KCNMA1: variants seen among roughly 807,000 people sequenced by gnomAD.
KCNMA1 encodes the protein potassium calcium-activated channel subfamily M alpha 1, also known as Calcium-activated potassium channel subunit alpha-1.
A neutral mutation model predicts 140.0 loss-of-function variants in KCNMA1; 29 were observed. That is an observed-to-expected ratio of 0.21 (90% CI 0.15 to 0.28). The LOEUF (loss-of-function observed/expected upper bound fraction) is 0.28, where lower values mean the gene tolerates loss of function less well. Among genes scored for constraint, KCNMA1 ranks in the 10% least tolerant of loss-of-function variants. KCNMA1 has a pLI of 1.00. For synonymous variants in KCNMA1, 612 were observed against 611.9 expected (o/e 1.00, Z 0.00); for missense variants, 880 against 1,602.2 (o/e 0.55, Z 7.70).
intron 1 of KCNMA1, among the ~76,000 whole-genome samples, chr10:77,552,821 G>C (rs1411939039): frequency 6.6e-6 from 1 of 152,174 alleles, no homozygotes; most frequent in Non-Finnish European, 1.5e-5. Context: ...GGCTGAGGCA[G>C]GCCGATCACT....
chr10:77,132,288 TCA>T (rs2097879338), intron 5 of KCNMA1, among the ~76,000 whole-genome samples: 1 of 151,954 alleles, frequency 6.6e-6, no homozygotes, highest in Admixed American at 6.6e-5. Flanking sequence ...GGCTGAACTA[TCA>T]CACAGCCATC....
intron 1 of KCNMA1, among the ~76,000 whole-genome samples, chr10:77,547,796 A>C (rs1379439410): frequency 6.6e-6 from 1 of 152,220 alleles, no homozygotes; most frequent in Admixed American, 6.5e-5. Context: ...AAAGATAACC[A>C]TTTACAACAG....
chr10:77,588,252 T>C (rs2077865388), intron 1 of KCNMA1, among the ~76,000 whole-genome samples: 1 of 152,186 alleles, frequency 6.6e-6, no homozygotes, highest in Non-Finnish European at 1.5e-5. Context: ...GACAGGAGGC[T>C]GAGAGCAGAA....
intron 2 of KCNMA1, among the ~76,000 whole-genome samples, chr10:77,256,371 T>C (rs1339093668): frequency 2.6e-5 from 4 of 152,034 alleles, no homozygotes; most frequent in South Asian, 2.1e-4. Context: ...AAAGCAGAGA[T>C]GCCCTCATCC....
At chr10:76,952,837 T>C (rs2066806906) in intron 21 of KCNMA1, among the ~76,000 whole-genome samples, 1 of 152,220 alleles carries the variant, frequency 6.6e-6, no homozygotes. Flanking sequence ...TCAGAAATGA[T>C]AGGATTTTCC....
intron 1 of KCNMA1, among the ~76,000 whole-genome samples, chr10:77,487,360 G>A (rs2098473214): frequency 6.6e-6 from 1 of 152,018 alleles, no homozygotes; most frequent in African/African-American, 2.4e-5. Flanking sequence ...GTCAACTGGG[G>A]AAAACAAGCC....
chr10:77,028,424 C>T (rs564991294), intron 15 of KCNMA1, among the ~76,000 whole-genome samples: 5 of 152,214 alleles, frequency 3.3e-5, no homozygotes, highest in Admixed American at 3.3e-4. Flanking sequence ...AGCTGTCTCA[C>T]CTCATCTGCT....
intron 2 of KCNMA1, among the ~76,000 whole-genome samples, chr10:77,332,470 C>T (rs2086833829): frequency 6.6e-6 from 1 of 152,164 alleles, no homozygotes; most frequent in Non-Finnish European, 1.5e-5. Flanking sequence ...CTGTTCTGCC[C>T]ATGGATCATT....
At chr10:77,309,109 A>G (rs934943979) in intron 2 of KCNMA1, among the ~76,000 whole-genome samples, 4 of 152,222 alleles carry the variant, frequency 2.6e-5, no homozygotes, top group Non-Finnish European at 2.9e-5. Context: ...CATAAATACC[A>G]CTTTTGTGAC....
intron 2 of KCNMA1, among the ~76,000 whole-genome samples, chr10:77,280,325 C>A (rs1197618582): frequency 3.3e-5 from 5 of 152,190 alleles, no homozygotes; most frequent in Admixed American, 1.3e-4. Context: ...TTTTATAATT[C>A]TGTAAATTGT....
chr10:77,506,485 T>A (rs542371071), intron 1 of KCNMA1, among the ~76,000 whole-genome samples: 1 of 151,752 alleles, frequency 6.6e-6, no homozygotes, highest in South Asian at 2.1e-4. Flanking sequence ...TATGCATCTA[T>A]CAGAGAGACA....
chr10:76,944,794 C>T lies in KCNMA1; in HGVS notation c.2881G>A (p.Val961Ile). The T allele has an allele frequency of 6.2e-7, 1 of 1,614,162 alleles. No individual in the cohort carries two copies. Among genetic ancestry groups the T allele is most frequent in the Non-Finnish European group, 8.5e-7 (1 of 1,180,002 alleles). Residue 961 changes from valine (V) to isoleucine (I), a missense_variant, in exon 23 of 28, where the codon GTC becomes ATC. Coordinates refer to ENST00000286628, the MANE Select transcript of KCNMA1 (RefSeq NM_001161352.2). ...TTACCTTGGGAATTAGCCTGCAAGA[C>T]TCCGATGCTGTCATCAAACTGCATA... ...KSMQFDDSIG[V>I]LQANSQGFTP... is the part of the protein sequence containing the mutation.
chr10:76,894,889 A>G (rs1161252800), intron 25 of KCNMA1, among the ~76,000 whole-genome samples: 2 of 152,196 alleles, frequency 1.3e-5, no homozygotes, highest in African/African-American at 4.8e-5. Context: ...AAAGTGGTGC[A>G]GTTAAGGGAG....
chr10:77,043,201 C>A (rs1390561438), intron 14 of KCNMA1, among the ~76,000 whole-genome samples: 2 of 152,218 alleles, frequency 1.3e-5, no homozygotes, highest in Non-Finnish European at 2.9e-5. Flanking sequence ...ATCGAATCAA[C>A]TGAATAAATG....
chr10:76,878,147 T>C (rs2032904281), intron 29 of KCNMA1, among the ~76,000 whole-genome samples: 2 of 152,136 alleles, frequency 1.3e-5, no homozygotes, highest in South Asian at 4.1e-4. Context: ...CCTCAGAGGC[T>C]AAGGAGGGAT....
intron 2 of KCNMA1, among the ~76,000 whole-genome samples, chr10:77,390,991 G>A (rs2095800574): frequency 6.6e-6 from 1 of 152,134 alleles, no homozygotes; most frequent in Admixed American, 6.5e-5. Flanking sequence ...TTCACCAAAA[G>A]CCACAAAACA....
rs572583773 is a variant in KCNMA1, at chr10:77,147,592, A to G, written c.809-26544T>C. On this transcript the variant is annotated intron_variant, in intron 5 of 27. Coordinates refer to ENST00000286628, the MANE Select transcript of KCNMA1 (RefSeq NM_001161352.2). ...GAGGCATTGTCTGTCCCAGAACCCC[A>G]TGCAGGACATTGGAGACAAGTGAAT... The G allele has an allele frequency of 2.6e-5, 4 of 152,296 alleles. No homozygotes were observed. The East Asian group carries it at 7.7e-4, about 29-fold the overall frequency. 9.4% of individuals were successfully genotyped at this position (152,296 alleles called of 1,614,324 possible).
At chr10:76,988,765 G>A (rs2081970129) in intron 19 of KCNMA1, among the ~76,000 whole-genome samples, 3 of 152,150 alleles carry the variant, frequency 2.0e-5, no homozygotes, top group Non-Finnish European at 1.5e-5. Flanking sequence ...GAGGAATGAT[G>A]AGACCTGAAG....
At chr10:77,252,643 A>G (rs1212718025) in intron 2 of KCNMA1, among the ~76,000 whole-genome samples, 1 of 151,532 alleles carries the variant, frequency 6.6e-6, no homozygotes, top group East Asian at 2.0e-4. Context: ...TGTATTTTTT[A>G]TGTGTGCCAA....
Sources: gnomAD v4.1 joint callset for allele counts (sites outside exome capture counted in the v4.1 genomes callset) on GRCh38, gnomAD v4.1.1 for gene constraint, MANE v1.5 for transcripts, NCBI Gene and HGNC (gene_info 2026-07-23, HGNC 2026-07-21) for gene names.